Variants in MYOM3 observed in about 807,000 individuals in gnomAD.
MYOM3 encodes the protein myomesin 3, also known as myomesin-3.
A neutral mutation model predicts 191.7 loss-of-function variants in MYOM3; 155 were observed. The ratio of observed to expected loss-of-function variants is 0.81; its 90% CI spans 0.71 to 0.92. MYOM3 has a LOEUF of 0.92. MYOM3 is among the 40% of genes least tolerant of loss of function. The pLI, the probability that MYOM3 is intolerant of heterozygous loss-of-function variation, is 0.00. For missense variants in MYOM3, 1,889 were observed against 1,890.6 expected (o/e 1.00, Z 0.02); for synonymous variants, 757 against 762.9 (o/e 0.99, Z 0.13).
At chr1:24,066,847 G>T (rs1643441228) in intron 28 of MYOM3, 174 bp downstream of exon 28, 2 of 581,454 alleles carry the variant, frequency 3.4e-6, no homozygotes, top group African/African-American at 1.9e-5. Context: ...GGGAAGGTGG[G>T]TTTGCTTTTT....
At chr1:24,085,280 A>ATG (rs371655049) in intron 15 of MYOM3, among the ~76,000 whole-genome samples, 6 of 137,600 alleles carry the variant, frequency 4.4e-5, no homozygotes, top group South Asian at 2.5e-4. Context: ...ATGGATGGAT[A>ATG]GATGGATGGA....
intron 5 of MYOM3, among the ~76,000 whole-genome samples, chr1:24,102,575 T>C (rs1369721528): frequency 6.6e-6 from 1 of 152,050 alleles, no homozygotes; most frequent in Admixed American, 6.5e-5. Context: ...AGAGCAGGCA[T>C]AGTGGCTCAT....
rs199679581 is a variant in MYOM3 at position 24,080,162 on chromosome 1, G to A, written c.2440C>T (p.Arg814Trp). The part of the protein sequence containing the change: ...PPYDVRASEV[R>W]ATSLVLQWEP... ...CACTGCAGCACCAGGGATGTGGCCC[G>A]CACCTCGGATGCCCGTACATCGTAC... The change falls in exon 20 of 37, where the codon CGG becomes TGG. Residue 814 changes from arginine (R) to tryptophan (W), a missense_variant. Physicochemically the swap from Arg to Trp is moderately radical, Grantham distance 101. Transcript: ENST00000374434. 6.6e-5 allele frequency: 107 copies of A among 1,613,478 alleles called. No individual in the cohort carries two copies. The African/African-American group carries it at 8.5e-4, about 13-fold the overall frequency.
rs557276854 is a variant in MYOM3 at position 24,111,358 on chromosome 1, A to G, written c.-19+673T>C. ...AGGAATGCACAGCAGTTGAGCCAAG[A>G]CCCCTCCAGGAGCTGCGATGGGGGC... is the stretch of plus-strand genomic sequence containing the variant. On this transcript the variant is annotated intron_variant, in intron 1 of 36. Transcript: ENST00000374434. This position sits in a 1 kb window ranked among gnomAD's most constrained non-coding sequence, Gnocchi z 4.7. Among the ~76,000 whole-genome samples, 10 of 151,828 alleles carry G rather than the reference A, an allele frequency of 6.6e-5. No homozygotes were observed. The highest frequency in any genetic ancestry group is 1.3e-4 in the Non-Finnish European group (9 of 67,936).
At chr1:24,077,540 C>T (rs1317492754) in intron 20 of MYOM3, among the ~76,000 whole-genome samples, 2 of 152,204 alleles carry the variant, frequency 1.3e-5, no homozygotes, top group Non-Finnish European at 2.9e-5. Flanking sequence ...TGCTTCATCA[C>T]CCAGTTTCGG....
At chr1:24,061,450 C>T (rs1643368831) in intron 33 of MYOM3, 141 bp from the exon 34 acceptor site, 1 of 825,834 alleles carries the variant, frequency 1.2e-6, no homozygotes, top group African/African-American at 1.7e-5. Context: ...GGGGCAGTGG[C>T]AGGACTGCGT....
chr1:24,108,423 C>G, intron 2 of MYOM3, 53 bp downstream of exon 2: 1 of 1,461,272 alleles, frequency 6.8e-7, no homozygotes, highest in Non-Finnish European at 9.1e-7. Context: ...CCTCCTCAGA[C>G]TGGGGGCCCT....
chr1:24,089,458 C>T (rs1018268406), intron 14 of MYOM3, 80 bp downstream of exon 14: 7 of 1,482,072 alleles, frequency 4.7e-6, no homozygotes, highest in Middle Eastern at 2.4e-4. Context: ...CTGACGGCCT[C>T]CCCAGGGGAC....
intron 25 of MYOM3, among the ~76,000 whole-genome samples, chr1:24,070,400 G>A (rs944161211): frequency 1.1e-4 from 16 of 151,374 alleles, no homozygotes; most frequent in African/African-American, 3.9e-4. Flanking sequence ...TGGGCAACAA[G>A]GCAAAACCCT....
chr1:24,067,214 C>G, intron 27 of MYOM3, 126 bp from the exon 28 acceptor site: 1 of 904,878 alleles, frequency 1.1e-6, no homozygotes, highest in Non-Finnish European at 1.7e-6. Flanking sequence ...GCTGCCTCTG[C>G]CAGGGCTGGG....
At chr1:24,096,326 G>C (rs1042205566) in intron 7 of MYOM3, among the ~76,000 whole-genome samples, 3 of 152,250 alleles carry the variant, frequency 2.0e-5, no homozygotes, top group Non-Finnish European at 4.4e-5. Context: ...TAGTGGCGGT[G>C]AGTGGAGTAG....
chr1:24,068,223 C>T lies in MYOM3; in HGVS notation c.3295G>A (p.Asp1099Asn), dbSNP rs770718460. The change falls in exon 26 of 37, where the codon GAT becomes AAT. Residue 1099 changes from aspartate (D) to asparagine (N), a missense_variant and splice_region_variant. Asp to Asn is a conservative substitution (Grantham distance 23). Transcript: ENST00000374434. Reference sequence around the variant, plus strand: ...CGGGGCGAGGCTGGGCATGGCTGACCGTCATCCACCAGTGTCAAGGTAATC... The same window carrying T: ...CGGGGCGAGGCTGGGCATGGCTGACTGTCATCCACCAGTGTCAAGGTAATC... ...NQITLTLVDD[D>N]FDKLLRKADA... is the part of the protein sequence containing the mutation. 94 of 1,613,662 alleles carry T rather than the reference C, an allele frequency of 5.8e-5. No homozygotes were observed. Among genetic ancestry groups the T allele is most frequent in the Non-Finnish European group, 6.9e-5 (82 of 1,179,892 alleles).
At chr1:24,092,057 G>T in intron 11 of MYOM3, 117 bp downstream of exon 11, 1 of 1,020,808 alleles carries the variant, frequency 9.8e-7, no homozygotes, top group Non-Finnish European at 1.3e-6. Flanking sequence ...CCTTTTCTGA[G>T]GAGCGGGGGT....
At chr1:24,078,371 C>T (rs533662576) in intron 20 of MYOM3, among the ~76,000 whole-genome samples, 1 of 152,182 alleles carries the variant, frequency 6.6e-6, no homozygotes, top group Non-Finnish European at 1.5e-5. Context: ...CCTGCCTCGG[C>T]CTCCTAGAGT....
rs1390516482 is a variant in MYOM3 at position 24,067,328 on chromosome 1, CTTT to C, written c.3356-243_3356-241del. On this transcript the variant is annotated intron_variant, in intron 27 of 36. Coordinates refer to ENST00000374434, the MANE Select transcript of MYOM3 (RefSeq NM_152372.4). The stretch of plus-strand genomic sequence containing the variant: ...TCCTTCTTTCTTTCTTTCTTTCCTT[CTTT>C]CTTTCTTTCTTTCTTTCTTTCTTTC... Among the ~76,000 whole-genome samples the C allele has an allele frequency of 1.2e-3, 59 of 48,454 alleles. 2 individuals carry two copies. Among genetic ancestry groups the C allele is most frequent in the Middle Eastern group, 7.9e-3 (1 of 126 alleles). The allele number at this position is 48,454 out of a possible 152,430, so 31.8% of individuals were successfully genotyped here. A position where few individuals can be genotyped will look rare whatever the true frequency, so the allele number is the denominator to read the frequency against.
chr1:24,096,715 CGTGTGTGTATGAGTGCACGTGTGTGT>C (rs988621149), intron 7 of MYOM3, among the ~76,000 whole-genome samples: 20 of 152,020 alleles, frequency 1.3e-4, no homozygotes, highest in African/African-American at 4.6e-4. Context: ...TATGAGTGCG[CGTGTGTGTATGAGTGCACGTGTGTGT>C]GTGTGTGTAT....
At chr1:24,076,343 G>T (rs1643599214) in intron 20 of MYOM3, 70 bp from the exon 21 acceptor site, 4 of 1,117,300 alleles carry the variant, frequency 3.6e-6, no homozygotes, top group African/African-American at 1.5e-5. Flanking sequence ...GCCCCAGGGA[G>T]CAGGGAGCCA....
chr1:24,099,111 C>T (rs1488566471), intron 6 of MYOM3, among the ~76,000 whole-genome samples: 1 of 152,128 alleles, frequency 6.6e-6, no homozygotes, highest in Non-Finnish European at 1.5e-5. Flanking sequence ...GGACTGCACT[C>T]TTATATTCCC....
rs1249847332 is a variant in MYOM3 at position 24,111,991 on chromosome 1, A to T, written c.-19+40T>A. On this transcript the variant is annotated intron_variant, in intron 1 of 36. Coordinates refer to ENST00000374434, the MANE Select transcript of MYOM3 (RefSeq NM_152372.4). The surrounding 1 kb of genome is among the most constrained non-coding windows in gnomAD (Gnocchi z 4.7). ...CACTCCCCAGTGGCTGACTCTTAGG[A>T]GGCATCCCTCCCCCACCCTGATTTC... 1 of 152,218 alleles carries T rather than the reference A, an allele frequency of 6.6e-6. No individual in the cohort carries two copies. Among genetic ancestry groups the T allele is most frequent in the African/African-American group, 2.4e-5 (1 of 41,424 alleles). 9.4% of individuals were successfully genotyped at this position (152,218 alleles called of 1,614,324 possible).
Sources: allele counts gnomAD v4.1 joint callset (sites outside exome capture counted in the v4.1 genomes callset), GRCh38; gene constraint gnomAD v4.1.1; non-coding constraint Gnocchi (gnomAD v3.1); transcripts MANE v1.5; gene names NCBI Gene and HGNC (gene_info 2026-07-23, HGNC 2026-07-21).